QRFPR: variants seen among roughly 807,000 people sequenced by gnomAD.
The protein encoded by QRFPR is pyroglutamylated RFamide peptide receptor.
Under a neutral mutation model 31.3 loss-of-function variants are expected in QRFPR, and 37 were observed. That is an observed-to-expected ratio of 1.18 (90% confidence interval 0.91 to 1.56). The LOEUF is 1.56. Among genes scored for constraint, QRFPR ranks in the 40% most tolerant of loss-of-function variants. The pLI, the probability that QRFPR is intolerant of heterozygous loss-of-function variation, is 0.00. For missense variants in QRFPR, 542 were observed against 532.5 expected, an observed-to-expected ratio of 1.02 and a Z score of -0.18; for synonymous variants, 197 against 192.0, an observed-to-expected ratio of 1.03 and a Z score of -0.22.
At chr4:121,376,913 G>A (rs1231656246) in intron 1 of QRFPR, among the ~76,000 whole-genome samples, 1 of 152,140 alleles carries the variant, frequency 6.6e-6, no homozygotes, top group Non-Finnish European at 1.5e-5. Context: ...TGAAACAATT[G>A]AGAACCTTGT....
At chr4:121,331,218 T>A (rs148963265) in intron 4 of QRFPR, among the ~76,000 whole-genome samples, 1,450 of 126,538 alleles carry the variant, frequency 0.011, 9 homozygotes, top group Non-Finnish European at 0.017. Flanking sequence ...AAGGTCTTAC[T>A]CGGTTGCCCA....
In QRFPR at chr4:121,365,100, T is replaced by G; in HGVS notation, c.340+15208A>C. Among the ~76,000 whole-genome samples the G allele has an allele frequency of 1.3e-5, 2 of 149,698 alleles. 1 individual carries two copies. Among genetic ancestry groups the G allele is most frequent in the Non-Finnish European group, 3.0e-5 (2 of 67,542 alleles). On this transcript the variant is annotated intron_variant, in intron 1 of 5. Transcript: ENST00000394427. ...TTGCTACAAAATAGCCTTCCCATAATTCTAATTATTTTAAGTAAGTTGAAT... is the reference window on the plus strand; with the variant it reads ...TTGCTACAAAATAGCCTTCCCATAAGTCTAATTATTTTAAGTAAGTTGAAT...
chr4:121,373,242 T>C (rs1174397006), intron 1 of QRFPR, among the ~76,000 whole-genome samples: 2 of 152,218 alleles, frequency 1.3e-5, no homozygotes, highest in African/African-American at 4.8e-5. Context: ...TCCTTGTCAT[T>C]ATTTTAAATG....
rs879873746 is a variant in QRFPR, at chr4:121,376,548, T to G, written c.340+3760A>C. Among the ~76,000 whole-genome samples, 250 of 152,208 alleles carry G rather than the reference T, an allele frequency of 1.6e-3. 1 individual carries two copies. The highest frequency in any genetic ancestry group is 3.3e-3 in the African/African-American group (136 of 41,550). Reference sequence around the variant, plus strand: ...ACTGTTTGATTTCTGGGTTTGTTTTTTTTTTTTTTCACTTTTTTAAAAAAC... The same window carrying G: ...ACTGTTTGATTTCTGGGTTTGTTTTGTTTTTTTTTCACTTTTTTAAAAAAC... On this transcript the variant is annotated intron_variant, in intron 1 of 5. Transcript: ENST00000394427.
At chr4:121,339,347 A>T (rs1725495548) in intron 2 of QRFPR, among the ~76,000 whole-genome samples, 1 of 152,244 alleles carries the variant, frequency 6.6e-6, no homozygotes, top group African/African-American at 2.4e-5. Context: ...TGAATAGAGA[A>T]ATGCTTCCAT....
At position 121,367,693 on chromosome 4, in the gene QRFPR, C is replaced by T. The variant is rs1271783603; in HGVS notation, c.340+12615G>A. On this transcript the variant is annotated intron_variant, in intron 1 of 5. Coordinates refer to ENST00000394427, the MANE Select transcript of QRFPR (RefSeq NM_198179.3). Reference sequence around the variant, plus strand: ...AGCAGAACTTCGAATATGTGAACAACAATTATAGTTTCCTTTCTTTGGATA... The same window carrying T: ...AGCAGAACTTCGAATATGTGAACAATAATTATAGTTTCCTTTCTTTGGATA... 1.3e-5 allele frequency among the ~76,000 whole-genome samples: 2 copies of T among 150,206 alleles called. 1 individual carries two copies. The highest frequency in any genetic ancestry group is 4.9e-5 in the African/African-American group (2 of 40,606).
chr4:121,375,242 G>A (rs561230368), intron 1 of QRFPR, among the ~76,000 whole-genome samples: 106 of 152,178 alleles, frequency 7.0e-4, no homozygotes, highest in African/African-American at 2.4e-3. Context: ...CCTCAACTTT[G>A]GACTCAAACC....
At chr4:121,378,535 T>G (rs1726403097) in intron 1 of QRFPR, among the ~76,000 whole-genome samples, 2 of 149,270 alleles carry the variant, frequency 1.3e-5, no homozygotes, top group South Asian at 4.3e-4. Flanking sequence ...TGCCTCAACC[T>G]CCTGAGCAGC....
chr4:121,355,214 A>T (rs960492931), intron 1 of QRFPR, among the ~76,000 whole-genome samples: 3 of 151,998 alleles, frequency 2.0e-5, no homozygotes, highest in African/African-American at 7.2e-5. Context: ...CTTTTCTTTG[A>T]TGAAAGACTT....
chr4:121,363,906 G>A (rs1052664474), intron 1 of QRFPR, among the ~76,000 whole-genome samples: 2 of 143,758 alleles, frequency 1.4e-5, no homozygotes, highest in East Asian at 2.1e-4. Flanking sequence ...GAAAGAGAGA[G>A]AGGCAGAACA....
chr4:121,342,225 C>G (rs994886010), intron 1 of QRFPR, among the ~76,000 whole-genome samples: 2 of 151,940 alleles, frequency 1.3e-5, no homozygotes, highest in African/African-American at 4.8e-5. Context: ...GCTCCTGGTT[C>G]CCACACCTTC....
At chr4:121,379,588 A>G (rs1453299521) in intron 1 of QRFPR, among the ~76,000 whole-genome samples, 1 of 152,168 alleles carries the variant, frequency 6.6e-6, no homozygotes, top group Non-Finnish European at 1.5e-5. Context: ...CACTGCTCCC[A>G]ACTCAGTGAC....
chr4:121,368,231 C>T (rs1011091714), intron 1 of QRFPR, among the ~76,000 whole-genome samples: 6 of 149,880 alleles, frequency 4.0e-5, no homozygotes, highest in Admixed American at 4.0e-4. Context: ...ACAGACGTTC[C>T]AGGCCCTGAC....
chr4:121,352,401 T>C (rs1202445808), intron 1 of QRFPR, among the ~76,000 whole-genome samples: 7 of 151,988 alleles, frequency 4.6e-5, no homozygotes, highest in Admixed American at 1.3e-4. Flanking sequence ...AAGCACTGCA[T>C]CTCAAAAAAG....
chr4:121,380,384 C>T lies in QRFPR; in HGVS notation c.264G>A (p.Ala88=), dbSNP rs1283852135. ...AGAAGGTGATGAGCAGGTCACTGAG[C>T]GCCAAGGAGCAGATAAAGATGTTGG... The part of the protein sequence containing the change: ...TVTNIFICSL[A]LSDLLITFFC... Residue 88 remains alanine (A), a synonymous_variant, in exon 1 of 6, where the codon GCG becomes GCA. Transcript: ENST00000394427. 3 of 1,614,186 alleles carry T rather than the reference C, an allele frequency of 1.9e-6. No homozygotes were observed. In the South Asian group the frequency reaches 3.3e-5, roughly 18 times the overall value.
At chr4:121,354,364 A>G (rs13122951) in intron 1 of QRFPR, among the ~76,000 whole-genome samples, 130,205 of 151,986 alleles carry the variant, frequency 0.86, 56,133 homozygotes, top group East Asian at 0.99. Context: ...CCATTTTTTT[A>G]TGTGTGTCCT....
intron 1 of QRFPR, among the ~76,000 whole-genome samples, chr4:121,342,597 A>T (rs1051443930): frequency 2.0e-5 from 3 of 151,926 alleles, no homozygotes; most frequent in African/African-American, 7.3e-5. Flanking sequence ...TAACATACTG[A>T]TATATAATAT....
In QRFPR at chr4:121,340,621, G is replaced by A. The variant is rs1725525514; in HGVS notation, c.341-11C>T. On this transcript the variant is annotated splice_polypyrimidine_tract_variant and intron_variant, in intron 1 of 5. Transcript: ENST00000394427. ...TGCAAATGAAAGCACCTGCAGTAAGGAAATAGGACAAATCATACATCAAAA... is the reference window on the plus strand; with the variant it reads ...TGCAAATGAAAGCACCTGCAGTAAGAAAATAGGACAAATCATACATCAAAA... 1 of 1,610,540 alleles carries A rather than the reference G, an allele frequency of 6.2e-7. No homozygotes were observed. The highest frequency in any genetic ancestry group is 1.1e-5 in the South Asian group (1 of 90,912).
At chr4:121,345,024 T>G (rs930181584) in intron 1 of QRFPR, among the ~76,000 whole-genome samples, 13 of 152,252 alleles carry the variant, frequency 8.5e-5, no homozygotes, top group African/African-American at 3.1e-4. Context: ...TTGTGCTTCT[T>G]AAAGTCGGCC....
Sources: gnomAD v4.1 joint callset for allele counts (sites outside exome capture counted in the v4.1 genomes callset) on GRCh38, gnomAD v4.1.1 for gene constraint, MANE v1.5 for transcripts, NCBI Gene and HGNC (gene_info 2026-07-23, HGNC 2026-07-21) for gene names.